Variants in ANKRD36 observed in about 807,000 individuals in gnomAD.
The protein encoded by ANKRD36 is ankyrin repeat domain-containing protein 36A.
Under a neutral mutation model 278.1 loss-of-function variants are expected in ANKRD36, and 179 were observed. The ratio of observed to expected loss-of-function variants is 0.64; its 90% CI spans 0.57 to 0.73. ANKRD36 has a LOEUF of 0.73. Ranked by LOEUF, ANKRD36 falls within the 30% of genes least tolerant of loss-of-function variation. ANKRD36 has a pLI of 0.00. For missense variants in ANKRD36, 1,159 were observed against 1,956.7 expected, an observed-to-expected ratio of 0.59 and a Z score of 7.69; for synonymous variants, 320 against 641.1, an observed-to-expected ratio of 0.50 and a Z score of 7.57.
chr2:97,188,400 A>T (rs1235162447), intron 32 of ANKRD36, among the ~76,000 whole-genome samples: 1 of 151,670 alleles, frequency 6.6e-6, no homozygotes, highest in Non-Finnish European at 1.5e-5. Context: ...TGATATTTTT[A>T]TTGAGGCTGA....
Position 97,142,831 on chromosome 2 carries a change from G to C in ANKRD36, c.897G>C (p.Gly299=), listed in dbSNP as rs569751784. 53 of 1,559,034 alleles carry C rather than the reference G, an allele frequency of 3.4e-5. No individual in the cohort carries two copies. The highest frequency in any genetic ancestry group is 4.5e-5 in the Non-Finnish European group (52 of 1,152,188). ...AAATAAAGGATGGACAAAAATCTGG[G>C]ACAGGTATTTTGGAATACACATTTA... ...ATEIKDGQKS[G]TVSSQKQPAL... Residue 299 remains glycine (G), a synonymous_variant, in exon 8 of 76, where the codon GGG becomes GGC. Coordinates refer to ENST00000420699, the MANE Select transcript of ANKRD36 (RefSeq NM_001354587.1).
In ANKRD36 at chr2:97,194,932, C is replaced by T; in HGVS notation, c.2551+15C>T. 6.5e-7 allele frequency: 1 copy of T among 1,542,940 alleles called. No homozygotes were observed. The highest frequency in any genetic ancestry group is 2.4e-5 in the East Asian group (1 of 40,942). On this transcript the variant is annotated intron_variant, in intron 40 of 75. Coordinates refer to ENST00000420699, the MANE Select transcript of ANKRD36 (RefSeq NM_001354587.1). ...ATCTAGGAAAGGTAATTTTGCGAAA[C>T]ACATTTAATGTCATGTTCAGTCCAG...
intron 44 of ANKRD36, 116 bp from the exon 45 acceptor site, chr2:97,200,218 C>T (rs1346703345): frequency 1.0e-5 from 16 of 1,576,784 alleles, no homozygotes; most frequent in Admixed American, 3.6e-5. Flanking sequence ...TAGAAGCCAT[C>T]AAAGCCTCCA....
rs1398521020 is a variant in ANKRD36, at chr2:97,211,504, A to G, written c.3368-42A>G. The G allele has an allele frequency of 3.1e-6, 5 of 1,596,888 alleles. No homozygotes were observed. In the East Asian group the frequency reaches 6.9e-5, roughly 22 times the overall value. ...GTATGAATGTATGGATAACTTTATC[A>G]TATTTACATATGAGTGATTATGTAT... On this transcript the variant is annotated intron_variant, in intron 56 of 75. Coordinates refer to ENST00000420699, the MANE Select transcript of ANKRD36 (RefSeq NM_001354587.1).
Position 97,124,580 on chromosome 2 carries a change from T to C in ANKRD36, c.714T>C (p.Ile238=). 1 of 1,552,142 alleles carries C rather than the reference T, an allele frequency of 6.4e-7. No individual in the cohort carries two copies. Among genetic ancestry groups the C allele is most frequent in the Middle Eastern group, 1.7e-4 (1 of 5,992 alleles). ...AFRKIAGDYA[I]EAKNRVIFDL... is the part of the protein sequence containing the mutation. The stretch of plus-strand genomic sequence containing the variant: ...GAAAGATTGCAGGAGATTATGCCAT[T>C]GAGGCTAAGAATAGAGTGTAAGTCT... The change falls in exon 5 of 76, where the codon ATT becomes ATC. Residue 238 remains isoleucine (I), a synonymous_variant. Coordinates refer to ENST00000420699, the MANE Select transcript of ANKRD36 (RefSeq NM_001354587.1).
At chr2:97,231,879 C>A (rs1258946825) in intron 67 of ANKRD36, among the ~76,000 whole-genome samples, 1 of 152,102 alleles carries the variant, frequency 6.6e-6, no homozygotes, top group Non-Finnish European at 1.5e-5. Flanking sequence ...TAGGAAAAAG[C>A]ACTCAAGTGT....
intron 75 of ANKRD36, among the ~76,000 whole-genome samples, chr2:97,261,136 CTT>C (rs1342977496): frequency 8.7e-6 from 1 of 114,832 alleles, no homozygotes; most frequent in Non-Finnish European, 1.6e-5. Flanking sequence ...CCTTTAAGAA[CTT>C]TTTTTTTTTT....
chr2:97,147,794 A>G (rs952120495), intron 11 of ANKRD36, among the ~76,000 whole-genome samples: 1 of 151,924 alleles, frequency 6.6e-6, no homozygotes. Context: ...AGTTTGATAG[A>G]AATGAGGATT....
At chr2:97,180,801 C>T (rs973538896) in intron 24 of ANKRD36, among the ~76,000 whole-genome samples, 4 of 151,682 alleles carry the variant, frequency 2.6e-5, no homozygotes, top group Admixed American at 1.3e-4. Flanking sequence ...TTCTAATTAA[C>T]TCCTAAAGTG....
At chr2:97,116,314 T>C (rs1263720385) in intron 1 of ANKRD36, among the ~76,000 whole-genome samples, 1 of 152,246 alleles carries the variant, frequency 6.6e-6, no homozygotes, top group East Asian at 1.9e-4. Flanking sequence ...CTCACCCTGT[T>C]GCCCAGCCTG....
intron 11 of ANKRD36, 37 bp from the exon 12 acceptor site, chr2:97,149,258 A>G: frequency 2.6e-6 from 4 of 1,511,246 alleles, no homozygotes; most frequent in Non-Finnish European, 3.6e-6. Context: ...TTAAGAAATG[A>G]ATGAGCTCAT....
In ANKRD36 at chr2:97,231,248, G is replaced by A. The variant is rs1263374577; in HGVS notation, c.3952-2482G>A. Among the ~76,000 whole-genome samples the A allele has an allele frequency of 2.6e-5, 4 of 152,266 alleles. No homozygotes were observed. The East Asian group carries it at 7.8e-4, about 30-fold the overall frequency. ...TCTCTGTGCCCTGCCCCCAGAGGTG[G>A]AGCCTACAGAGGCAGGCAGGCCTCC... On this transcript the variant is annotated intron_variant, in intron 67 of 75. Coordinates refer to ENST00000420699, the MANE Select transcript of ANKRD36 (RefSeq NM_001354587.1).
intron 26 of ANKRD36, among the ~76,000 whole-genome samples, chr2:97,182,652 T>C (rs2153546539): frequency 6.6e-6 from 1 of 151,220 alleles, no homozygotes; most frequent in Non-Finnish European, 1.5e-5. Context: ...CTTTTAAAAT[T>C]CTTATTTTCA....
At chr2:97,159,278 A>G (rs2048261483) in intron 17 of ANKRD36, among the ~76,000 whole-genome samples, 1 of 152,094 alleles carries the variant, frequency 6.6e-6, no homozygotes, top group Non-Finnish European at 1.5e-5. Context: ...TCTGTTTTAC[A>G]TTTAAAAATA....
intron 44 of ANKRD36, among the ~76,000 whole-genome samples, chr2:97,199,394 T>G (rs2060673106): frequency 6.6e-6 from 1 of 151,874 alleles, no homozygotes; most frequent in African/African-American, 2.4e-5. Context: ...TGAATAAATT[T>G]TGCTTCCTTG....
At chr2:97,231,108 G>T (rs180945940) in intron 67 of ANKRD36, among the ~76,000 whole-genome samples, 4 of 152,112 alleles carry the variant, frequency 2.6e-5, no homozygotes, top group Non-Finnish European at 5.9e-5. Flanking sequence ...CTCACTTGAG[G>T]AGGCAGTCTG....
At chr2:97,135,159 G>T (rs1450873255) in intron 6 of ANKRD36, among the ~76,000 whole-genome samples, 7 of 151,804 alleles carry the variant, frequency 4.6e-5, no homozygotes, top group African/African-American at 7.2e-5. Flanking sequence ...TAGATTTTTT[G>T]AATTAGAGTG....
At position 97,183,649 on chromosome 2, in the gene ANKRD36, G is replaced by T. The variant is rs1330118127; in HGVS notation, c.1934G>T (p.Gly645Val). ...AGAATAATGGGTGGTGGGAAATCTGGAACAGGTAATTTGGCAATACACATT... is the reference window on the plus strand; with the variant it reads ...AGAATAATGGGTGGTGGGAAATCTGTAACAGGTAATTTGGCAATACACATT... Reference protein sequence around the residue: ...ATRIMGGGKSGTVSSQKQPAS... With the variant: ...ATRIMGGGKSVTVSSQKQPAS... The change falls in exon 28 of 76, where the codon GGA becomes GTA. Residue 645 changes from glycine to valine, a missense_variant. Coordinates refer to ENST00000420699, the MANE Select transcript of ANKRD36 (RefSeq NM_001354587.1). 2.5e-6 allele frequency: 4 copies of T among 1,572,428 alleles called. No homozygotes were observed. The highest frequency in any genetic ancestry group is 3.5e-6 in the Non-Finnish European group (4 of 1,159,046).
intron 16 of ANKRD36, 42 bp downstream of exon 16, chr2:97,158,209 C>G (rs1559387714): frequency 2.2e-6 from 3 of 1,341,732 alleles, no homozygotes; most frequent in East Asian, 5.2e-5. Flanking sequence ...TCTACTGAAT[C>G]TTTTTTTTTC....
Sources: allele counts gnomAD v4.1 joint callset (sites outside exome capture counted in the v4.1 genomes callset), GRCh38; gene constraint gnomAD v4.1.1; transcripts MANE v1.5; gene names NCBI Gene and HGNC (gene_info 2026-07-23, HGNC 2026-07-21).